The following RBFOX1 variants were observed in gnomAD, a reference collection of about 807,000 sequenced individuals.
RBFOX1 encodes the protein RNA binding protein fox-1 homolog 1.
In RBFOX1, 8 loss-of-function variants were observed where a neutral mutation model predicts 57.7. The ratio of observed to expected loss-of-function variants is 0.14; its 90% CI spans 0.08 to 0.25. RBFOX1 has a LOEUF of 0.25. Among genes scored for constraint, RBFOX1 ranks in the 10% least tolerant of loss-of-function variants. The pLI is 1.00. For synonymous variants in RBFOX1, 326 were observed against 222.4 expected, an observed-to-expected ratio of 1.47 and a Z score of -4.15; for missense variants, 611 against 548.5, an observed-to-expected ratio of 1.11 and a Z score of -1.14.
At chr16:5,850,736 G>A (rs749794633) in intron 3 of RBFOX1, among the ~76,000 whole-genome samples, 8 of 152,194 alleles carry the variant, frequency 5.3e-5, no homozygotes, top group Non-Finnish European at 8.8e-5. Context: ...CAGTGACAGA[G>A]GTGAAAGAAC....
intron 5 of RBFOX1, among the ~76,000 whole-genome samples, chr16:7,557,851 A>C (rs9923464): frequency 0.83 from 125,125 of 151,268 alleles, 53,295 homozygotes; most frequent in Non-Finnish European, 0.94. Flanking sequence ...CATGGTGCAA[A>C]TACTCCCATC....
At chr16:6,979,257 T>G (rs1193689509) in intron 3 of RBFOX1, among the ~76,000 whole-genome samples, 3 of 152,126 alleles carry the variant, frequency 2.0e-5, no homozygotes, top group African/African-American at 7.2e-5. Flanking sequence ...TACAGTTAAA[T>G]AGTAAAAACC....
intron 1 of RBFOX1, chr16:5,366,687 T>G (rs1323779356): frequency 2.4e-6 from 1 of 415,852 alleles, no homozygotes; most frequent in African/African-American, 2.1e-5. Flanking sequence ...GGAAGTCTCT[T>G]TAAGAAAATC....
intron 4 of RBFOX1, among the ~76,000 whole-genome samples, chr16:7,494,345 A>G (rs745702557): frequency 1.1e-4 from 17 of 152,062 alleles, no homozygotes; most frequent in East Asian, 1.9e-4. Flanking sequence ...CCTTCCTACC[A>G]TTGGCGGCTA....
chr16:6,566,634 C>G (rs1346125138), intron 2 of RBFOX1, among the ~76,000 whole-genome samples: 1 of 152,118 alleles, frequency 6.6e-6, no homozygotes, highest in Non-Finnish European at 1.5e-5. Flanking sequence ...GATAGGTATT[C>G]ATTTTGACCC....
At chr16:6,655,857 A>T (rs1047351994) in intron 3 of RBFOX1, among the ~76,000 whole-genome samples, 6 of 152,190 alleles carry the variant, frequency 3.9e-5, no homozygotes, top group African/African-American at 7.2e-5. Flanking sequence ...TGACTGGGGC[A>T]TGTCTGCTGA....
chr16:5,432,713 G>T (rs1290883219), intron 1 of RBFOX1, among the ~76,000 whole-genome samples: 2 of 151,922 alleles, frequency 1.3e-5, no homozygotes, highest in Admixed American at 1.3e-4. Context: ...TTTATGGGGG[G>T]CCCTCCTCAG....
At chr16:6,895,022 C>A (rs907797038) in intron 3 of RBFOX1, among the ~76,000 whole-genome samples, 2 of 152,148 alleles carry the variant, frequency 1.3e-5, no homozygotes, top group African/African-American at 4.8e-5. Context: ...CAGTCTAGTT[C>A]ATCCTTCTTA....
At chr16:5,289,384 C>A in intron 1 of RBFOX1, 1 of 384,724 alleles carries the variant, frequency 2.6e-6, no homozygotes, top group Non-Finnish European at 5.0e-6. Context: ...CATGGGAGGG[C>A]CCCCATATGG....
chr16:5,890,985 G>A (rs1367196832), intron 4 of RBFOX1, among the ~76,000 whole-genome samples: 1 of 152,202 alleles, frequency 6.6e-6, no homozygotes, highest in Non-Finnish European at 1.5e-5. Context: ...AAATGGGGAT[G>A]AACTGAGATT....
intron 5 of RBFOX1, among the ~76,000 whole-genome samples, chr16:7,541,801 C>A (rs977869802): frequency 1.1e-4 from 16 of 152,190 alleles, no homozygotes; most frequent in Non-Finnish European, 1.5e-4. Flanking sequence ...CTTCCTCTGG[C>A]AAATGATTTT....
rs921321201 is a variant in RBFOX1 at position 5,672,079 on chromosome 16, G to C, written c.318+73118G>C. Among the ~76,000 whole-genome samples, 8 of 152,242 alleles carry C rather than the reference G, an allele frequency of 5.3e-5. 1 individual carries two copies. The highest frequency in any genetic ancestry group is 1.2e-4 in the Non-Finnish European group (8 of 68,018). On this transcript the variant is annotated intron_variant, in intron 3 of 19. Coordinates refer to the RBFOX1 transcript ENST00000641259. ...GGTGCAACTTTCTTGGACTTGCCTG[G>C]GTTGCTGGTTAGAGGTTTATGTCTC... is the stretch of plus-strand genomic sequence containing the variant.
intron 3 of RBFOX1, among the ~76,000 whole-genome samples, chr16:5,782,025 G>A (rs1023399151): frequency 6.6e-6 from 1 of 152,194 alleles, no homozygotes; most frequent in Non-Finnish European, 1.5e-5. Context: ...GGGCCAACAT[G>A]GTGAAACCCC....
At chr16:7,029,163 C>CATAT (rs71147636) in intron 3 of RBFOX1, among the ~76,000 whole-genome samples, 1 of 40,502 alleles carries the variant, frequency 2.5e-5, no homozygotes. Context: ...TATATATACA[C>CATAT]ATATATATAC....
intron 3 of RBFOX1, among the ~76,000 whole-genome samples, chr16:5,682,690 T>C (rs1026611284): frequency 3.9e-5 from 6 of 152,220 alleles, no homozygotes; most frequent in African/African-American, 1.4e-4. Context: ...GCTCAGGTTT[T>C]ATCCAAGGTT....
chr16:6,221,040 CT>C (rs1472401792), intron 1 of RBFOX1, among the ~76,000 whole-genome samples: 1 of 151,886 alleles, frequency 6.6e-6, no homozygotes, highest in Non-Finnish European at 1.5e-5. Context: ...AAATTTTACT[CT>C]TTTTATTCTA....
At chr16:6,952,754 G>C (rs1163695858) in intron 3 of RBFOX1, among the ~76,000 whole-genome samples, 1 of 152,110 alleles carries the variant, frequency 6.6e-6, no homozygotes. Flanking sequence ...GAAGCGGGCG[G>C]ATCACGAGGT....
At chr16:6,396,577 C>G (rs28815177) in intron 2 of RBFOX1, among the ~76,000 whole-genome samples, 14,936 of 152,192 alleles carry the variant, frequency 0.098, 1,520 homozygotes, top group African/African-American at 0.26. Flanking sequence ...CGAGTGGATA[C>G]TCGAGTTGCT....
intron 2 of RBFOX1, among the ~76,000 whole-genome samples, chr16:6,587,987 T>A (rs1182183916): frequency 6.6e-6 from 1 of 152,120 alleles, no homozygotes; most frequent in South Asian, 2.1e-4. Context: ...CCCAGCACTT[T>A]GGGAGGCCGA....
Sources: allele counts gnomAD v4.1 joint callset (sites outside exome capture counted in the v4.1 genomes callset), GRCh38; gene constraint gnomAD v4.1.1; transcripts MANE v1.5; gene names NCBI Gene and HGNC (gene_info 2026-07-23, HGNC 2026-07-21).